Variants in CNTNAP5 observed in about 807,000 individuals in gnomAD.
CNTNAP5 encodes the protein contactin associated protein family member 5.
In CNTNAP5, 72 loss-of-function variants were observed where a neutral mutation model predicts 150.2. The ratio of observed to expected loss-of-function variants is 0.48; its 90% CI spans 0.40 to 0.58. The LOEUF (loss-of-function observed/expected upper bound fraction) is 0.58, where lower values mean the gene tolerates loss of function less well. CNTNAP5 is among the 20% of genes least tolerant of loss of function. The pLI is 0.00. For synonymous variants in CNTNAP5, 672 were observed against 619.8 expected, an observed-to-expected ratio of 1.08 and a Z score of -1.25; for missense variants, 1,636 against 1,626.2, an observed-to-expected ratio of 1.01 and a Z score of -0.10.
intron 19 of CNTNAP5, among the ~76,000 whole-genome samples, chr2:124,802,966 T>C (rs775356720): frequency 2.6e-5 from 4 of 151,880 alleles, no homozygotes; most frequent in Non-Finnish European, 4.4e-5. Flanking sequence ...CTACAAAAAA[T>C]TAGCCAGGCA....
chr2:124,069,613 C>T (rs1262792198), intron 1 of CNTNAP5, among the ~76,000 whole-genome samples: 1 of 152,044 alleles, frequency 6.6e-6, no homozygotes, highest in Non-Finnish European at 1.5e-5. Context: ...CATGCATCAC[C>T]CTACCCCTAG....
intron 11 of CNTNAP5, among the ~76,000 whole-genome samples, chr2:124,601,472 C>T (rs1164199742): frequency 6.6e-6 from 1 of 152,120 alleles, no homozygotes; most frequent in African/African-American, 2.4e-5. Flanking sequence ...GAGAACATCC[C>T]AGAAAGCACT....
intron 19 of CNTNAP5, among the ~76,000 whole-genome samples, chr2:124,830,950 C>T (rs7559266): frequency 0.05 from 7,595 of 151,988 alleles, 550 homozygotes; most frequent in African/African-American, 0.16. Flanking sequence ...ATCTGAAAAG[C>T]TTCAAAAAGA....
At chr2:124,627,727 G>C (rs1342846951) in intron 12 of CNTNAP5, among the ~76,000 whole-genome samples, 1 of 152,138 alleles carries the variant, frequency 6.6e-6, no homozygotes, top group East Asian at 1.9e-4. Flanking sequence ...TGGATGAACT[G>C]ACAGAAATAG....
At chr2:124,727,029 G>C (rs575137148) in intron 13 of CNTNAP5, among the ~76,000 whole-genome samples, 5 of 151,890 alleles carry the variant, frequency 3.3e-5, no homozygotes, top group Admixed American at 2.6e-4. Context: ...ATGAGATAAG[G>C]GTCCAGTTTT....
intron 3 of CNTNAP5, among the ~76,000 whole-genome samples, chr2:124,255,828 G>T (rs1391063617): frequency 6.6e-6 from 1 of 152,042 alleles, no homozygotes; most frequent in African/African-American, 2.4e-5. Flanking sequence ...AGCTTCCAAG[G>T]CTGTATCTTA....
intron 3 of CNTNAP5, among the ~76,000 whole-genome samples, chr2:124,327,953 T>G (rs748170206): frequency 1.3e-5 from 2 of 152,164 alleles, no homozygotes; most frequent in Non-Finnish European, 2.9e-5. Context: ...TGTCATAAGA[T>G]TGTCGTGAAA....
chr2:124,283,447 C>T (rs1256189441), intron 3 of CNTNAP5, among the ~76,000 whole-genome samples: 1 of 152,150 alleles, frequency 6.6e-6, no homozygotes, highest in Admixed American at 6.5e-5. Flanking sequence ...TGGAGACATC[C>T]TGGCACATGT....
chr2:124,330,027 A>T (rs138275355), intron 3 of CNTNAP5, among the ~76,000 whole-genome samples: 1 of 152,248 alleles, frequency 6.6e-6, no homozygotes, highest in African/African-American at 2.4e-5. Context: ...CTCGCCCCAA[A>T]ATTGTACCTG....
intron 1 of CNTNAP5, among the ~76,000 whole-genome samples, chr2:124,043,065 G>T (rs557321756): frequency 6.6e-6 from 1 of 152,034 alleles, no homozygotes; most frequent in Admixed American, 6.6e-5. Context: ...TCTTTAATTT[G>T]TCTTTTCAAT....
chr2:124,322,600 C>T (rs1162225527), intron 3 of CNTNAP5, among the ~76,000 whole-genome samples: 1 of 152,184 alleles, frequency 6.6e-6, no homozygotes, highest in African/African-American at 2.4e-5. Context: ...AAATCAGGGT[C>T]ATCGGTATGT....
At chr2:124,500,139 G>A (rs924764193) in intron 7 of CNTNAP5, among the ~76,000 whole-genome samples, 7 of 152,132 alleles carry the variant, frequency 4.6e-5, no homozygotes, top group Admixed American at 2.0e-4. Flanking sequence ...ACATTGGGGA[G>A]GGCACTGTAC....
intron 12 of CNTNAP5, among the ~76,000 whole-genome samples, chr2:124,627,289 C>T (rs1298945647): frequency 6.6e-6 from 1 of 152,116 alleles, no homozygotes; most frequent in Non-Finnish European, 1.5e-5. Flanking sequence ...GTGAGACCTC[C>T]CAACAGGGGT....
intron 21 of CNTNAP5, among the ~76,000 whole-genome samples, chr2:124,893,989 C>T (rs990957589): frequency 1.1e-4 from 17 of 151,710 alleles, no homozygotes; most frequent in African/African-American, 4.1e-4. Context: ...TCAAAAATGA[C>T]CACATTTTAA....
chr2:124,632,777 T>G (rs1187497319), intron 12 of CNTNAP5, among the ~76,000 whole-genome samples: 1 of 152,122 alleles, frequency 6.6e-6, no homozygotes, highest in East Asian at 1.9e-4. Flanking sequence ...AAAAAGAGGT[T>G]TCATTGGCTC....
chr2:124,171,932 G>A (rs1294732883), intron 1 of CNTNAP5, among the ~76,000 whole-genome samples: 1 of 152,164 alleles, frequency 6.6e-6, no homozygotes, highest in Admixed American at 6.5e-5. Flanking sequence ...CTCAAAGGCT[G>A]GCCATAGGAC....
At chr2:124,816,275 G>A (rs1416171294) in intron 19 of CNTNAP5, among the ~76,000 whole-genome samples, 1 of 152,044 alleles carries the variant, frequency 6.6e-6, no homozygotes, top group African/African-American at 2.4e-5. Context: ...TACAATCAAG[G>A]TATCAGCTGG....
At chr2:124,749,693 C>A (rs555710312) in intron 14 of CNTNAP5, among the ~76,000 whole-genome samples, 1 of 152,234 alleles carries the variant, frequency 6.6e-6, no homozygotes, top group South Asian at 2.1e-4. Flanking sequence ...GGATTACAGG[C>A]GTGAGCCAAC....
Position 124,917,085 on chromosome 2 carries a change from G to A in CNTNAP5, c.*2797G>A, listed in dbSNP as rs564604569. 2.0e-5 allele frequency among the ~76,000 whole-genome samples: 3 copies of A among 152,078 alleles called. No homozygotes were observed. Among genetic ancestry groups the A allele is most frequent in the Non-Finnish European group, 2.9e-5 (2 of 67,954 alleles). On this transcript the variant is annotated 3_prime_UTR_variant, in exon 24 of 24. Transcript: ENST00000682447. Reference sequence around the variant, plus strand: ...CTTCTGCAATTATCATCTCGAAGGAGACTTTGAAAGCATCTTAATCTCTCT... The same window carrying A: ...CTTCTGCAATTATCATCTCGAAGGAAACTTTGAAAGCATCTTAATCTCTCT...
Sources: gnomAD v4.1 joint callset for allele counts (sites outside exome capture counted in the v4.1 genomes callset) on GRCh38, gnomAD v4.1.1 for gene constraint, MANE v1.5 for transcripts, NCBI Gene and HGNC (gene_info 2026-07-23, HGNC 2026-07-21) for gene names.